Variants in GATAD2A observed in about 807,000 individuals in gnomAD.
The protein encoded by GATAD2A is GATA zinc finger domain containing 2A.
Under a neutral mutation model 68.5 loss-of-function variants are expected in GATAD2A, and 12 were observed. That is an observed-to-expected ratio of 0.18 (90% CI 0.11 to 0.28). The LOEUF is 0.28. Ranked by LOEUF, GATAD2A falls within the 10% of genes least tolerant of loss-of-function variation. GATAD2A has a pLI of 1.00. For missense variants in GATAD2A, 755 were observed against 868.5 expected (o/e 0.87, Z 1.64); for synonymous variants, 410 against 375.3 (o/e 1.09, Z -1.07).
chr19:19,439,880 A>G (rs2054797583), intron 1 of GATAD2A, among the ~76,000 whole-genome samples: 1 of 152,166 alleles, frequency 6.6e-6, no homozygotes, highest in African/African-American at 2.4e-5. Context: ...ACAAAAAAGC[A>G]AAAAGACATG....
chr19:19,504,764 T>C (rs1048592645), intron 11 of GATAD2A, among the ~76,000 whole-genome samples: 130 of 148,744 alleles, frequency 8.7e-4, no homozygotes, highest in African/African-American at 3.1e-3. Flanking sequence ...TCCTCCCACC[T>C]CAGCCTCTGG....
chr19:19,425,801 T>C (rs1655891843), intron 1 of GATAD2A, among the ~76,000 whole-genome samples: 2 of 151,826 alleles, frequency 1.3e-5, no homozygotes, highest in Admixed American at 1.3e-4. Flanking sequence ...TTTTCTTTTT[T>C]TTTTTTTAGA....
chr19:19,426,117 G>A (rs1028756116), intron 1 of GATAD2A, among the ~76,000 whole-genome samples: 2 of 152,038 alleles, frequency 1.3e-5, no homozygotes, highest in Non-Finnish European at 2.9e-5. Context: ...TCTTTTTAAT[G>A]ATGTTAATTA....
At chr19:19,422,681 C>T (rs1460106517) in intron 1 of GATAD2A, among the ~76,000 whole-genome samples, 1 of 151,904 alleles carries the variant, frequency 6.6e-6, no homozygotes, top group African/African-American at 2.4e-5. Flanking sequence ...AGTATGTGTA[C>T]AGCCTTGCAT....
chr19:19,426,203 C>T (rs1164539033), intron 1 of GATAD2A, among the ~76,000 whole-genome samples: 1 of 152,156 alleles, frequency 6.6e-6, no homozygotes, highest in Non-Finnish European at 1.5e-5. Flanking sequence ...AGGGCTCATA[C>T]CCAGCCGTGG....
At chr19:19,461,855 A>G (rs2057457843) in intron 1 of GATAD2A, among the ~76,000 whole-genome samples, 1 of 152,200 alleles carries the variant, frequency 6.6e-6, no homozygotes, top group Admixed American at 6.5e-5. Context: ...TGGCAGCCTC[A>G]GTGCTCTCCT....
chr19:19,404,880 A>G (rs2050048656), upstream of GATAD2A, among the ~76,000 whole-genome samples: 1 of 152,190 alleles, frequency 6.6e-6, no homozygotes, highest in African/African-American at 2.4e-5. Context: ...GGGATTCCTC[A>G]GAACCTGATT....
intron 1 of GATAD2A, among the ~76,000 whole-genome samples, chr19:19,463,052 C>A (rs1396491617): frequency 6.6e-6 from 1 of 152,144 alleles, no homozygotes; most frequent in African/African-American, 2.4e-5. Flanking sequence ...TCATCCCCAA[C>A]AGTAGTTATA....
chr19:19,408,192 G>A (rs575975830), intron 1 of GATAD2A, among the ~76,000 whole-genome samples: 1 of 152,260 alleles, frequency 6.6e-6, no homozygotes, highest in East Asian at 1.9e-4. Context: ...TCACCATGCT[G>A]GCCAGGCTGG....
intron 1 of GATAD2A, 23 bp from the exon 2 acceptor site, chr19:19,465,317 T>C: frequency 6.3e-7 from 1 of 1,595,718 alleles, no homozygotes; most frequent in Non-Finnish European, 8.6e-7. Context: ...GTTAAAATGT[T>C]GTGTCTTCTC....
intron 1 of GATAD2A, among the ~76,000 whole-genome samples, chr19:19,392,638 C>T (rs968325602): frequency 1.3e-5 from 2 of 151,860 alleles, no homozygotes; most frequent in African/African-American, 4.8e-5. Context: ...GATCCACCTG[C>T]CTCAGCCTCC....
intron 7 of GATAD2A, 26 bp from the exon 8 acceptor site, chr19:19,498,417 C>T: frequency 6.3e-7 from 1 of 1,592,268 alleles, no homozygotes. Context: ...CACGGAGCGC[C>T]CTGACTGAGT....
chr19:19,442,765 C>A (rs1415577379), intron 1 of GATAD2A, among the ~76,000 whole-genome samples: 5 of 144,860 alleles, frequency 3.5e-5, no homozygotes, highest in African/African-American at 5.2e-5. Context: ...CAGGACCCCC[C>A]AAGCTGAAAA....
chr19:19,473,144 G>A (rs1321556717), intron 2 of GATAD2A, among the ~76,000 whole-genome samples: 5 of 152,148 alleles, frequency 3.3e-5, no homozygotes, highest in South Asian at 2.1e-4. Context: ...GGTGTGTGGC[G>A]TTCAGGCAGC....
intron 1 of GATAD2A, among the ~76,000 whole-genome samples, chr19:19,447,035 A>G (rs988041255): frequency 6.6e-6 from 1 of 152,252 alleles, no homozygotes; most frequent in Middle Eastern, 3.2e-3. Context: ...TTGTGCCTGC[A>G]TGGGCCCTTG....
At chr19:19,470,143 A>ATTTTT (rs750710437) in intron 2 of GATAD2A, among the ~76,000 whole-genome samples, 13 of 132,870 alleles carry the variant, frequency 9.8e-5, no homozygotes, top group South Asian at 5.0e-4. Flanking sequence ...CTGCGACTTT[A>ATTTTT]TTTTTTTTTT....
At chr19:19,409,665 A>T (rs1051077455) in intron 1 of GATAD2A, among the ~76,000 whole-genome samples, 3 of 152,108 alleles carry the variant, frequency 2.0e-5, no homozygotes, top group Admixed American at 1.3e-4. Context: ...TAAAAATAAG[A>T]AGGTTGAGAT....
At chr19:19,453,655 C>T (rs1568299896) in intron 1 of GATAD2A, among the ~76,000 whole-genome samples, 1 of 150,466 alleles carries the variant, frequency 6.6e-6, no homozygotes, top group Admixed American at 6.7e-5. Context: ...ACCACCACAA[C>T]TGGCTATTTT....
chr19:19,398,638 C>T (rs1381564167), intron 1 of GATAD2A, among the ~76,000 whole-genome samples: 1 of 151,144 alleles, frequency 6.6e-6, no homozygotes, highest in African/African-American at 2.4e-5. Context: ...CGGCCTAGAA[C>T]AATTTAAACT....
Sources: allele counts gnomAD v4.1 joint callset (sites outside exome capture counted in the v4.1 genomes callset), GRCh38; gene constraint gnomAD v4.1.1; transcripts MANE v1.5; gene names NCBI Gene and HGNC (gene_info 2026-07-23, HGNC 2026-07-21).